Variants in PRTG observed in about 807,000 individuals in gnomAD.
The protein encoded by PRTG is immunoglobulin superfamily, DCC subclass, member 5.
A neutral mutation model predicts 122.5 loss-of-function variants in PRTG; 67 were observed. The observed-to-expected ratio is 0.55, with a 90% CI of 0.45 to 0.67. PRTG has a LOEUF of 0.67. Ranked by LOEUF, PRTG falls within the 30% of genes least tolerant of loss-of-function variation. The pLI is 0.00. For missense variants in PRTG, 1,435 were observed against 1,415.4 expected, an observed-to-expected ratio of 1.01 and a Z score of -0.22; for synonymous variants, 554 against 501.1, an observed-to-expected ratio of 1.11 and a Z score of -1.41.
At chr15:55,688,623 C>A (rs2141824935) in intron 2 of PRTG, among the ~76,000 whole-genome samples, 1 of 152,270 alleles carries the variant, frequency 6.6e-6, no homozygotes. Flanking sequence ...ATCACAAAGT[C>A]AAGAGATCCA....
intron 18 of PRTG, 59 bp downstream of exon 18, chr15:55,624,281 TAC>T (rs2059182126): frequency 6.7e-7 from 1 of 1,495,594 alleles, no homozygotes; most frequent in East Asian, 2.3e-5. Flanking sequence ...AAGTACATTT[TAC>T]ACACACAGGG....
chr15:55,646,474 C>A (rs549398112), intron 11 of PRTG, among the ~76,000 whole-genome samples: 1 of 151,942 alleles, frequency 6.6e-6, no homozygotes, highest in African/African-American at 2.4e-5. Context: ...AGGCGCCCGC[C>A]ACCACGCCCG....
At chr15:55,700,023 ACTGT>A (rs2141839366) in intron 2 of PRTG, among the ~76,000 whole-genome samples, 1 of 152,346 alleles carries the variant, frequency 6.6e-6, no homozygotes, top group East Asian at 1.9e-4. Context: ...AAGGGCTCAC[ACTGT>A]CTGATTTCAA....
chr15:55,670,814 T>C lies in PRTG; in HGVS notation c.2041+1631A>G, dbSNP rs1298206599. Among the ~76,000 whole-genome samples the C allele has an allele frequency of 2.0e-5, 3 of 151,710 alleles. No homozygotes were observed. The South Asian group carries it at 6.3e-4, about 32-fold the overall frequency. ...TACTCGGGAGGCTGAGGCAGGAGAA[T>C]TGCTTGAACCTGGAGGCAGAGGTTG... On this transcript the variant is annotated intron_variant, in intron 11 of 19. Coordinates refer to ENST00000389286, the MANE Select transcript of PRTG (RefSeq NM_173814.6).
At chr15:55,741,153 C>T (rs1352446820) in intron 1 of PRTG, among the ~76,000 whole-genome samples, 3 of 152,230 alleles carry the variant, frequency 2.0e-5, no homozygotes, top group Non-Finnish European at 4.4e-5. Flanking sequence ...GCACCTACTC[C>T]TTTGGGAACT....
intron 2 of PRTG, among the ~76,000 whole-genome samples, chr15:55,736,592 T>C (rs1345776826): frequency 6.6e-6 from 1 of 152,094 alleles, no homozygotes; most frequent in Non-Finnish European, 1.5e-5. Context: ...ACCCTTTTAA[T>C]GGAAACAACT....
chr15:55,733,892 G>A (rs1181830874), intron 2 of PRTG, among the ~76,000 whole-genome samples: 8 of 152,274 alleles, frequency 5.3e-5, no homozygotes, highest in African/African-American at 1.9e-4. Flanking sequence ...AATACATTTA[G>A]CACTGCTACC....
At chr15:55,686,257 T>G (rs1482020804) in intron 2 of PRTG, among the ~76,000 whole-genome samples, 1 of 152,196 alleles carries the variant, frequency 6.6e-6, no homozygotes, top group African/African-American at 2.4e-5. Context: ...CAATCCCATA[T>G]TCACCTTTTC....
chr15:55,616,052 A>T lies in PRTG; in HGVS notation c.*3960T>A, dbSNP rs2141701011. 6.6e-6 allele frequency: 1 copy of T among 152,278 alleles called. No homozygotes were observed. Among genetic ancestry groups the T allele is most frequent in the Non-Finnish European group, 1.5e-5 (1 of 67,986 alleles). 9.4% of individuals were successfully genotyped at this position (152,278 alleles called of 1,614,324 possible). A position where few individuals can be genotyped will look rare whatever the true frequency, so the allele number is the denominator to read the frequency against. On this transcript the variant is annotated 3_prime_UTR_variant, in exon 20 of 20. Transcript: ENST00000389286. Reference sequence around the variant, plus strand: ...TTTCAAGCACAGACAAAAGTATAGCATGTGACACTAAGAATCTAATTTCTT... The same window carrying T: ...TTTCAAGCACAGACAAAAGTATAGCTTGTGACACTAAGAATCTAATTTCTT...
Position 55,638,651 on chromosome 15 carries a change from C to G in PRTG, c.2350G>C (p.Gly784Arg). ...QTSETHMLVQ[G>R]LEPNTKYEFA... Reference sequence around the variant, plus strand: ...TCGTATTTGGTGTTTGGTTCTAGACCTTGAACCAACATGTGAGTTTCTGAT... The same window carrying G: ...TCGTATTTGGTGTTTGGTTCTAGACGTTGAACCAACATGTGAGTTTCTGAT... Residue 784 changes from glycine (G) to arginine (R), a missense_variant, in exon 14 of 20, where the codon GGT (glycine) becomes CGT (arginine). Coordinates refer to ENST00000389286, the MANE Select transcript of PRTG (RefSeq NM_173814.6). The G allele has an allele frequency of 6.2e-7, 1 of 1,613,182 alleles. No homozygotes were observed. The highest frequency in any genetic ancestry group is 8.5e-7 in the Non-Finnish European group (1 of 1,179,616).
At chr15:55,723,693 G>T (rs1356179861) in intron 2 of PRTG, among the ~76,000 whole-genome samples, 1 of 150,788 alleles carries the variant, frequency 6.6e-6, no homozygotes, top group East Asian at 1.9e-4. Context: ...AAAGAGAAAA[G>T]ATTCATCACA....
intron 2 of PRTG, chr15:55,738,304 T>C (rs1385039986): frequency 2.4e-6 from 1 of 420,344 alleles, no homozygotes; most frequent in Admixed American, 4.3e-5. Context: ...TCTGACATTT[T>C]GTTTGTTACA....
intron 15 of PRTG, among the ~76,000 whole-genome samples, chr15:55,630,953 T>C (rs2059224138): frequency 1.3e-5 from 2 of 152,158 alleles, no homozygotes; most frequent in Admixed American, 6.6e-5. Context: ...TCCAGTGCAC[T>C]TGCTGGAATA....
At chr15:55,706,586 A>G (rs1331132680) in intron 2 of PRTG, among the ~76,000 whole-genome samples, 1 of 96,474 alleles carries the variant, frequency 1.0e-5, no homozygotes, top group African/African-American at 3.3e-5. Context: ...CTCTACCAAA[A>G]AAAAAAAAAA....
chr15:55,666,352 T>C (rs1595632130), intron 11 of PRTG, among the ~76,000 whole-genome samples: 1 of 152,222 alleles, frequency 6.6e-6, no homozygotes, highest in African/African-American at 2.4e-5. Flanking sequence ...ATAGGCTCTA[T>C]CTCCAAACAG....
At position 55,619,991 on chromosome 15, in the gene PRTG, G is replaced by C; in HGVS notation, c.*21C>G. ...CTTCCTCAATGCGGAATCTCCACCT[G>C]AATCACTGCCAGTGAAAGAATCAGA... On this transcript the variant is annotated 3_prime_UTR_variant, in exon 20 of 20. Transcript: ENST00000389286. 1.2e-6 allele frequency: 2 copies of C among 1,613,020 alleles called. No homozygotes were observed. The highest frequency in any genetic ancestry group is 1.7e-6 in the Non-Finnish European group (2 of 1,179,390).
At chr15:55,679,931 C>A in intron 6 of PRTG, 123 bp downstream of exon 6, 1 of 724,672 alleles carries the variant, frequency 1.4e-6, no homozygotes, top group Non-Finnish European at 2.2e-6. Flanking sequence ...TGAAATTCAT[C>A]ATTTGATTAC....
Position 55,672,495 on chromosome 15 carries a change from C to G in PRTG, c.1991G>C (p.Gly664Ala). 1.2e-6 allele frequency: 2 copies of G among 1,614,014 alleles called. No individual in the cohort carries two copies. Among genetic ancestry groups the G allele is most frequent in the Non-Finnish European group, 1.7e-6 (2 of 1,179,990 alleles). ...YYKEEGQQEN[G>A]PIFLDTKDLL... is the part of the protein sequence containing the mutation. ...GTCCTTGGTATCCAAGAAAATGGGC[C>G]CATTCTCCTGCTGCCCTTCTTCCTT... The change falls in exon 11 of 20, where the codon GGG (glycine) becomes GCG (alanine). Residue 664 changes from glycine (G) to alanine (A), a missense_variant. Coordinates refer to ENST00000389286, the MANE Select transcript of PRTG (RefSeq NM_173814.6).
chr15:55,709,129 G>C (rs2030269205), intron 2 of PRTG, among the ~76,000 whole-genome samples: 1 of 120,814 alleles, frequency 8.3e-6, no homozygotes, highest in African/African-American at 3.3e-5. Context: ...CTGGGCGACA[G>C]GGTGGGACTC....
Sources: allele counts gnomAD v4.1 joint callset (sites outside exome capture counted in the v4.1 genomes callset), GRCh38; gene constraint gnomAD v4.1.1; transcripts MANE v1.5; gene names NCBI Gene and HGNC (gene_info 2026-07-23, HGNC 2026-07-21).